Variants in CENATAC observed in about 807,000 individuals in gnomAD.
CENATAC encodes the protein centrosomal AT-AC splicing factor.
CENATAC carries 53 observed loss-of-function variants against 53.7 expected under a neutral mutation model. The observed-to-expected ratio is 0.99, with a 90% CI of 0.79 to 1.24. CENATAC has a LOEUF of 1.24. Among genes scored for constraint, CENATAC ranks in the 50% most tolerant of loss-of-function variants. The probability of loss-of-function intolerance (pLI) is 0.00; values close to 1 mark genes in which losing one functional copy is unlikely to be tolerated. For missense variants in CENATAC, 474 were observed against 417.8 expected (o/e 1.13, Z -1.17); for synonymous variants, 156 against 144.6 (o/e 1.08, Z -0.57).
intron 4 of CENATAC, 53 bp downstream of exon 4, chr11:119,010,883 G>T (rs1244179328): frequency 1.3e-6 from 2 of 1,542,032 alleles, no homozygotes; most frequent in East Asian, 4.5e-5. Flanking sequence ...CTGGTTTCGT[G>T]GAAGACGGTT....
At position 119,015,560 on chromosome 11, in the gene CENATAC, G is replaced by C; in HGVS notation, c.961G>C (p.Ala321Pro). 6.2e-7 allele frequency: 1 copy of C among 1,614,100 alleles called. No individual in the cohort carries two copies. The highest frequency in any genetic ancestry group is 8.5e-7 in the Non-Finnish European group (1 of 1,179,996). Residue 321 changes from alanine to proline, a missense_variant, in exon 11 of 11, where the codon GCA becomes CCA. Coordinates refer to ENST00000334418, the MANE Select transcript of CENATAC (RefSeq NM_198489.3). ...QSRHQFKTEA[A>P]AMKKQSHTEK... ...CAGACATCAATTCAAAACTGAAGCT[G>C]CAGCAATGAAGAAGCAGTCACATAC...
intron 3 of CENATAC, among the ~76,000 whole-genome samples, chr11:119,007,682 T>C (rs1942670790): frequency 6.6e-6 from 1 of 152,024 alleles, no homozygotes; most frequent in South Asian, 2.1e-4. Flanking sequence ...AGAGACAGGG[T>C]CACTATGTTG....
intron 3 of CENATAC, among the ~76,000 whole-genome samples, chr11:118,999,765 C>T (rs1307107400): frequency 6.6e-6 from 1 of 152,248 alleles, no homozygotes; most frequent in Non-Finnish European, 1.5e-5. Context: ...GCCTCAGACT[C>T]CTGAGTAGCT....
chr11:119,007,256 T>C (rs949591898), intron 3 of CENATAC, among the ~76,000 whole-genome samples: 8 of 152,144 alleles, frequency 5.3e-5, no homozygotes, highest in Non-Finnish European at 2.9e-5. Context: ...TGATCTTGGC[T>C]CACTGCAACC....
Position 118,998,568 on chromosome 11 carries a change from G to T in CENATAC, c.259G>T (p.Gly87Trp), listed in dbSNP as rs782050456. The T allele has an allele frequency of 1.5e-5, 24 of 1,574,206 alleles. No homozygotes were observed. The highest frequency in any genetic ancestry group is 2.3e-5 in the East Asian group (1 of 42,736). ...CCATGGAAACCTGACGGTGCTGTAC[G>T]GGGGGCTGCTGGAGCATCTGGCCAG... ...LSHGNLTVLY[G>W]GLLEHLASPE... Residue 87 changes from glycine to tryptophan, a missense_variant, in exon 2 of 11, where the codon GGG (glycine) becomes TGG (tryptophan). Gly to Trp is a radical substitution (Grantham distance 184, BLOSUM62 -2). Transcript: ENST00000334418.
At chr11:119,013,357 G>A (rs1022733336) in intron 8 of CENATAC, 95 bp downstream of exon 8, 143 of 874,338 alleles carry the variant, frequency 1.6e-4, no homozygotes, top group Admixed American at 3.9e-4. Context: ...GTGCAGTGGC[G>A]CAATCTCAGC....
chr11:119,011,381 T>C, intron 5 of CENATAC, 98 bp downstream of exon 5: 1 of 733,384 alleles, frequency 1.4e-6, no homozygotes, highest in South Asian at 2.2e-5. Flanking sequence ...CTTCTTCTTC[T>C]TTTTTTTTTG....
intron 8 of CENATAC, chr11:119,014,560 C>A (rs79949553): frequency 0.024 from 3,619 of 152,882 alleles, 136 homozygotes; most frequent in African/African-American, 0.08. Flanking sequence ...TGGGCTAGAG[C>A]GAGACTCCTC....
chr11:119,003,178 C>CATT (rs1942401578), intron 3 of CENATAC: 1 of 374,790 alleles, frequency 2.7e-6, no homozygotes, highest in South Asian at 1.5e-5. Context: ...AACACAAGTG[C>CATT]GTGTGTCTTC....
intron 8 of CENATAC, among the ~76,000 whole-genome samples, chr11:119,013,777 T>A (rs1053699448): frequency 4.0e-5 from 6 of 151,052 alleles, no homozygotes; most frequent in East Asian, 3.9e-4. Flanking sequence ...TTTTTTTTTT[T>A]AAATAAAGTT....
chr11:118,998,305 G>T lies in CENATAC; in HGVS notation c.108G>T (p.Arg36Ser), dbSNP rs782589885. ...GGCAGCTGAAGGAGGCTTTGGAGAG[G>T]CTCCTGCCCCAGGTGCGGAGGCAAG... Reference protein sequence around the residue: ...HQRQLKEALERLLPQVEAARK... With the variant: ...HQRQLKEALESLLPQVEAARK... The change falls in exon 1 of 11, where the codon AGG (arginine) becomes AGT (serine). Residue 36 changes from arginine (R) to serine (S), a missense_variant. Transcript: ENST00000334418. 1.2e-6 allele frequency: 2 copies of T among 1,608,382 alleles called. No individual in the cohort carries two copies. The highest frequency in any genetic ancestry group is 1.7e-6 in the Non-Finnish European group (2 of 1,177,540).
chr11:119,015,113 C>T (rs376171998), intron 9 of CENATAC, 30 bp downstream of exon 9: 1 of 1,560,028 alleles, frequency 6.4e-7, no homozygotes, highest in Non-Finnish European at 8.8e-7. Context: ...AGAGGATCGT[C>T]TAAATCTTCA....
At chr11:119,010,964 A>G in intron 4 of CENATAC, 134 bp downstream of exon 4, 2 of 766,008 alleles carry the variant, frequency 2.6e-6, no homozygotes, top group East Asian at 2.7e-5. Flanking sequence ...ATCAGGCACT[A>G]GATTCTCATA....
chr11:119,015,084 G>T lies in CENATAC; in HGVS notation c.805+1G>T. On this transcript the variant is annotated splice_donor_variant, in intron 9 of 10. Transcript: ENST00000334418. LOFTEE classifies it high-confidence loss of function. ...TCCTATGAAGAATTTCTTAAAGAAA[G>T]TAAGTAAACTAATTCAAGAGAGGAT... is the stretch of plus-strand genomic sequence containing the variant. 6.3e-7 allele frequency: 1 copy of T among 1,597,850 alleles called. No homozygotes were observed. Among genetic ancestry groups the T allele is most frequent in the Non-Finnish European group, 8.5e-7 (1 of 1,169,618 alleles).
At chr11:119,012,414 C>A in intron 7 of CENATAC, 160 bp downstream of exon 7, 1 of 727,814 alleles carries the variant, frequency 1.4e-6, no homozygotes, top group Non-Finnish European at 2.2e-6. Context: ...CTCTTCTCAC[C>A]CTCCAAAGCG....
chr11:119,001,067 C>T lies in CENATAC; in HGVS notation c.383+1958C>T, dbSNP rs945623403. Among the ~76,000 whole-genome samples, 4 of 152,272 alleles carry T rather than the reference C, an allele frequency of 2.6e-5. No homozygotes were observed. In the East Asian group the frequency reaches 5.8e-4, roughly 22 times the overall value. On this transcript the variant is annotated intron_variant, in intron 3 of 10. Coordinates refer to ENST00000334418, the MANE Select transcript of CENATAC (RefSeq NM_198489.3). ...AGTGCTTCAGGCATCACTAGTGGCA[C>T]CTCCTATAGGTCCCACGTTACTATT...
chr11:119,012,061 C>A, intron 6 of CENATAC, 58 bp downstream of exon 6: 1 of 1,613,772 alleles, frequency 6.2e-7, no homozygotes, highest in South Asian at 1.1e-5. Flanking sequence ...ATTCTGCAAC[C>A]TTTTGCCTGG....
chr11:119,012,888 G>A, intron 7 of CENATAC: 1 of 241,118 alleles, frequency 4.1e-6, no homozygotes, highest in Non-Finnish European at 7.9e-6. Context: ...AGTGGATGTA[G>A]CACCATGTAA....
At position 119,013,752 on chromosome 11, in the gene CENATAC, C is replaced by T. The variant is rs1469207885; in HGVS notation, c.715+490C>T. On this transcript the variant is annotated intron_variant, in intron 8 of 10. Transcript: ENST00000334418. ...TGCTGGGATTACAGGCATGAGCCAC[C>T]GTGCCCGGACTTTTTTTTTTTTTTT... Among the ~76,000 whole-genome samples, 4 of 151,388 alleles carry T rather than the reference C, an allele frequency of 2.6e-5. No homozygotes were observed. The South Asian group carries it at 6.2e-4, about 24-fold the overall frequency.
Sources: gnomAD v4.1 joint callset for allele counts (sites outside exome capture counted in the v4.1 genomes callset) on GRCh38, gnomAD v4.1.1 for gene constraint, MANE v1.5 for transcripts, NCBI Gene and HGNC (gene_info 2026-07-23, HGNC 2026-07-21) for gene names.